Variants in CACNG3 observed in about 807,000 individuals in gnomAD.
The protein encoded by CACNG3 is calcium voltage-gated channel auxiliary subunit gamma 3, also known as voltage-dependent calcium channel gamma-3 subunit.
A neutral mutation model predicts 28.5 loss-of-function variants in CACNG3; 3 were observed. The observed-to-expected ratio is 0.11, with a 90% CI of 0.05 to 0.27. The LOEUF is 0.27. Among genes scored for constraint, CACNG3 ranks in the 10% least tolerant of loss-of-function variants. The pLI, the probability that CACNG3 is intolerant of heterozygous loss-of-function variation, is 1.00. For synonymous variants in CACNG3, 174 were observed against 162.2 expected, an observed-to-expected ratio of 1.07 and a Z score of -0.55; for missense variants, 236 against 414.4, an observed-to-expected ratio of 0.57 and a Z score of 3.74.
intron 1 of CACNG3, among the ~76,000 whole-genome samples, chr16:24,268,856 T>A (rs531845162): frequency 6.6e-6 from 1 of 152,286 alleles, no homozygotes; most frequent in South Asian, 2.1e-4. Flanking sequence ...TTTGACTTCT[T>A]TGGGTTTTAA....
intron 1 of CACNG3, among the ~76,000 whole-genome samples, chr16:24,325,659 C>G (rs938196519): frequency 4.6e-5 from 7 of 152,190 alleles, no homozygotes; most frequent in African/African-American, 1.2e-4. Context: ...CACAACAAGC[C>G]CGACAGGTAG....
At chr16:24,281,411 T>G (rs1898825940) in intron 1 of CACNG3, among the ~76,000 whole-genome samples, 1 of 151,964 alleles carries the variant, frequency 6.6e-6, no homozygotes, top group Admixed American at 6.6e-5. Context: ...CTTGCTATGT[T>G]GCCCAGGCTG....
Position 24,274,232 on chromosome 16 carries a change from A to C in CACNG3, c.211+17267A>C, listed in dbSNP as rs1398442549. Reference sequence around the variant, plus strand: ...AAAAAAACTCAACCTCTACTACCAGATTGCTTGGGCTCAAATCTGAGATCA... The same window carrying C: ...AAAAAAACTCAACCTCTACTACCAGCTTGCTTGGGCTCAAATCTGAGATCA... On this transcript the variant is annotated intron_variant, in intron 1 of 3. Transcript: ENST00000005284. Among the ~76,000 whole-genome samples, 4 of 151,738 alleles carry C rather than the reference A, an allele frequency of 2.6e-5. No homozygotes were observed. The East Asian group carries it at 5.8e-4, about 22-fold the overall frequency.
intron 1 of CACNG3, among the ~76,000 whole-genome samples, chr16:24,325,752 C>T (rs1225383879): frequency 6.6e-6 from 1 of 152,186 alleles, no homozygotes; most frequent in Non-Finnish European, 1.5e-5. Flanking sequence ...CTCAGGTTTG[C>T]AGAGCAGGCA....
chr16:24,330,253 A>T (rs1401323480), intron 1 of CACNG3, among the ~76,000 whole-genome samples: 1 of 152,184 alleles, frequency 6.6e-6, no homozygotes, highest in African/African-American at 2.4e-5. Flanking sequence ...AGCTGCAGTC[A>T]AGGACTCAGG....
intron 1 of CACNG3, 140 bp downstream of exon 1, chr16:24,257,105 T>A (rs932541768): frequency 6.2e-6 from 4 of 644,982 alleles, no homozygotes; most frequent in African/African-American, 1.8e-5. Context: ...CCAGACTCTG[T>A]TAACAGCAAG....
At chr16:24,360,646 A>T (rs1417529607) in intron 3 of CACNG3, among the ~76,000 whole-genome samples, 1 of 152,114 alleles carries the variant, frequency 6.6e-6, no homozygotes. Flanking sequence ...CTTCCAACTT[A>T]ATGTGTTCAA....
At chr16:24,259,492 C>CT (rs1898511123) in intron 1 of CACNG3, among the ~76,000 whole-genome samples, 1 of 152,166 alleles carries the variant, frequency 6.6e-6, no homozygotes, top group Non-Finnish European at 1.5e-5. Context: ...TTTTCTGGTC[C>CT]TTTAAGTGTC....
intron 1 of CACNG3, among the ~76,000 whole-genome samples, chr16:24,272,089 T>TTC (rs202023548): frequency 6.6e-6 from 1 of 150,710 alleles, no homozygotes; most frequent in African/African-American, 2.4e-5. Flanking sequence ...ATTATACATT[T>TTC]TCTCTCTCTC....
chr16:24,353,781 A>C (rs936375749), intron 2 of CACNG3, among the ~76,000 whole-genome samples: 2 of 152,220 alleles, frequency 1.3e-5, no homozygotes, highest in African/African-American at 4.8e-5. Flanking sequence ...TCTACTATGC[A>C]AATGTAGATG....
At chr16:24,305,379 G>A (rs1899173042) in intron 1 of CACNG3, among the ~76,000 whole-genome samples, 1 of 149,866 alleles carries the variant, frequency 6.7e-6, no homozygotes, top group Non-Finnish European at 1.5e-5. Context: ...GACAGGTTTA[G>A]AGACAGGTTT....
chr16:24,283,076 G>A (rs1161094549), intron 1 of CACNG3, among the ~76,000 whole-genome samples: 1 of 152,018 alleles, frequency 6.6e-6, no homozygotes, highest in East Asian at 1.9e-4. Flanking sequence ...CACTGTGTTA[G>A]CCAAGATGGT....
rs1898466138 is a variant in CACNG3, at chr16:24,256,874, C to T, written c.120C>T (p.Cys40=). 2.5e-6 allele frequency: 4 copies of T among 1,613,406 alleles called. No homozygotes were observed. Among genetic ancestry groups the T allele is most frequent in the Non-Finnish European group, 3.4e-6 (4 of 1,179,466 alleles). ...ACTGGTTATATTCCAGAGGTGTGTG[C>T]AGGACTAAATCTACAAGTGATAATG... ...TDYWLYSRGV[C]RTKSTSDNET... The change falls in exon 1 of 4, where the codon TGC becomes TGT. Residue 40 remains cysteine (C), a synonymous_variant. Coordinates refer to ENST00000005284, the MANE Select transcript of CACNG3 (RefSeq NM_006539.4). The surrounding 1 kb of genome is among the most constrained non-coding windows in gnomAD (Gnocchi z 4.6).
chr16:24,353,877 G>A (rs1445207167), intron 2 of CACNG3, among the ~76,000 whole-genome samples: 3 of 152,170 alleles, frequency 2.0e-5, no homozygotes, highest in Non-Finnish European at 4.4e-5. Flanking sequence ...GTCATTTGCA[G>A]GGTCCAGTGT....
intron 1 of CACNG3, among the ~76,000 whole-genome samples, chr16:24,265,106 C>CT (rs1308609695): frequency 2.0e-5 from 3 of 151,958 alleles, no homozygotes; most frequent in Admixed American, 2.0e-4. Context: ...GCCAGGTGTG[C>CT]TGGCATGCTC....
intron 1 of CACNG3, among the ~76,000 whole-genome samples, chr16:24,334,540 T>A (rs1157464550): frequency 6.6e-6 from 1 of 152,148 alleles, no homozygotes; most frequent in Non-Finnish European, 1.5e-5. Flanking sequence ...ACTGATATCC[T>A]CTCCTTCCAC....
intron 1 of CACNG3, among the ~76,000 whole-genome samples, chr16:24,285,608 G>T (rs1898882278): frequency 6.6e-6 from 1 of 152,190 alleles, no homozygotes; most frequent in Non-Finnish European, 1.5e-5. Context: ...GAGGCAGGAG[G>T]AGTTCAAGTC....
At chr16:24,261,280 T>A (rs1898534167) in intron 1 of CACNG3, among the ~76,000 whole-genome samples, 1 of 152,144 alleles carries the variant, frequency 6.6e-6, no homozygotes, top group African/African-American at 2.4e-5. Flanking sequence ...TGAAACTCGG[T>A]CTCAGTGTGG....
intron 1 of CACNG3, among the ~76,000 whole-genome samples, chr16:24,281,252 G>T (rs557521238): frequency 6.6e-6 from 1 of 152,246 alleles, no homozygotes; most frequent in African/African-American, 2.4e-5. Flanking sequence ...CTGGAGTGCC[G>T]TAGTAGAATC....
Sources: gnomAD v4.1 joint callset for allele counts (sites outside exome capture counted in the v4.1 genomes callset) on GRCh38, gnomAD v4.1.1 for gene constraint, Gnocchi (gnomAD v3.1) non-coding constraint, MANE v1.5 for transcripts, NCBI Gene and HGNC (gene_info 2026-07-23, HGNC 2026-07-21) for gene names.